The following NRG1 variants were observed in gnomAD, a reference collection of about 807,000 sequenced individuals.
NRG1 encodes neuregulin 1, also known as pro-neuregulin-1, membrane-bound isoform.
Under a neutral mutation model 63.8 loss-of-function variants are expected in NRG1, and 18 were observed. That is an observed-to-expected ratio of 0.28 (90% CI 0.19 to 0.42). The LOEUF is 0.42. NRG1 is among the 10% of genes least tolerant of loss of function. The pLI, the probability that NRG1 is intolerant of heterozygous loss-of-function variation, is 1.00. For missense variants in NRG1, 762 were observed against 814.7 expected (o/e 0.94, Z 0.79); for synonymous variants, 302 against 301.3 (o/e 1.00, Z -0.02).
chr8:31,751,868 G>T (rs548545585), intron 1 of NRG1, among the ~76,000 whole-genome samples: 1 of 151,950 alleles, frequency 6.6e-6, no homozygotes, highest in African/African-American at 2.4e-5. Context: ...TGGGGGTGCC[G>T]TTTATGGAGA....
intron 1 of NRG1, among the ~76,000 whole-genome samples, chr8:31,982,151 A>G (rs1252386172): frequency 6.6e-6 from 1 of 151,976 alleles, no homozygotes; most frequent in Non-Finnish European, 1.5e-5. Flanking sequence ...GGCTCTGATT[A>G]AGATTCTTCC....
At chr8:32,187,045 T>C (rs1842040062) in intron 1 of NRG1, among the ~76,000 whole-genome samples, 1 of 152,176 alleles carries the variant, frequency 6.6e-6, no homozygotes. Context: ...TTTGAATGAC[T>C]GAATGTTCAA....
intron 1 of NRG1, among the ~76,000 whole-genome samples, chr8:32,090,380 G>A (rs1828936837): frequency 6.6e-6 from 1 of 152,194 alleles, no homozygotes; most frequent in Non-Finnish European, 1.5e-5. Context: ...AAGTGCAGTG[G>A]TGCGACGTTG....
intron 1 of NRG1, among the ~76,000 whole-genome samples, chr8:32,060,668 A>G (rs1823696372): frequency 6.6e-6 from 1 of 151,958 alleles, no homozygotes; most frequent in East Asian, 1.9e-4. Flanking sequence ...GGAGAACAAC[A>G]TATGTAGCTG....
At chr8:31,903,431 G>T (rs956312201) in intron 1 of NRG1, among the ~76,000 whole-genome samples, 6 of 151,608 alleles carry the variant, frequency 4.0e-5, no homozygotes, top group Non-Finnish European at 8.8e-5. Context: ...TTACAGACGT[G>T]AGCCACCGCG....
At chr8:32,023,963 A>G (rs759989051) in intron 1 of NRG1, among the ~76,000 whole-genome samples, 2 of 152,110 alleles carry the variant, frequency 1.3e-5, no homozygotes, top group Non-Finnish European at 2.9e-5. Context: ...CAAACATAGA[A>G]AAGTAACTCC....
At chr8:31,744,117 C>T (rs1815606392) in intron 1 of NRG1, among the ~76,000 whole-genome samples, 1 of 152,010 alleles carries the variant, frequency 6.6e-6, no homozygotes, top group Non-Finnish European at 1.5e-5. Context: ...GAGTAATACA[C>T]ATGTACAGGT....
At chr8:31,741,993 A>C (rs1347001981) in intron 1 of NRG1, among the ~76,000 whole-genome samples, 11 of 152,054 alleles carry the variant, frequency 7.2e-5, no homozygotes, top group Admixed American at 6.6e-4. Context: ...TGGCAGATAG[A>C]TAGGAGTGCT....
At chr8:31,908,936 A>G (rs1351235389) in intron 1 of NRG1, among the ~76,000 whole-genome samples, 2 of 152,176 alleles carry the variant, frequency 1.3e-5, no homozygotes, top group Non-Finnish European at 1.5e-5. Context: ...CTTTTCAAAT[A>G]TATAATTTTT....
intron 5 of NRG1, among the ~76,000 whole-genome samples, chr8:32,668,346 AT>A (rs1171827899): frequency 6.6e-6 from 1 of 152,096 alleles, no homozygotes; most frequent in Non-Finnish European, 1.5e-5. Context: ...TCAACAGACT[AT>A]TTTCTCCAAC....
chr8:32,489,615 T>G (rs1826310219), intron 1 of NRG1, among the ~76,000 whole-genome samples: 1 of 152,104 alleles, frequency 6.6e-6, no homozygotes, highest in African/African-American at 2.4e-5. Context: ...GGACCCAGAG[T>G]TTGTGAGCCC....
At chr8:32,153,319 C>G (rs946576127) in intron 1 of NRG1, among the ~76,000 whole-genome samples, 11 of 152,080 alleles carry the variant, frequency 7.2e-5, no homozygotes. Context: ...ACAGCTATGC[C>G]CTTTGTGATC....
At chr8:31,717,523 ACT>A (rs1331325124) in intron 1 of NRG1, among the ~76,000 whole-genome samples, 1 of 152,020 alleles carries the variant, frequency 6.6e-6, no homozygotes, top group African/African-American at 2.4e-5. Context: ...ACTGAAGATT[ACT>A]GTTTACCATT....
intron 1 of NRG1, among the ~76,000 whole-genome samples, chr8:32,132,684 C>T (rs992432588): frequency 1.3e-5 from 2 of 152,072 alleles, no homozygotes; most frequent in Admixed American, 6.6e-5. Flanking sequence ...AAGAACACAT[C>T]TGAGATAATA....
At chr8:32,501,285 C>A (rs924171009) in intron 1 of NRG1, among the ~76,000 whole-genome samples, 22 of 152,312 alleles carry the variant, frequency 1.4e-4, no homozygotes, top group African/African-American at 5.1e-4. Flanking sequence ...ATCTCATGAA[C>A]AGCAAGGGCA....
At chr8:32,575,710 C>G (rs1009851610) in intron 1 of NRG1, among the ~76,000 whole-genome samples, 1 of 152,148 alleles carries the variant, frequency 6.6e-6, no homozygotes, top group African/African-American at 2.4e-5. Flanking sequence ...TAAATGGTGA[C>G]ACCAATGTAA....
At chr8:32,262,402 T>C (rs560321688) in intron 1 of NRG1, among the ~76,000 whole-genome samples, 1 of 152,156 alleles carries the variant, frequency 6.6e-6, no homozygotes, top group South Asian at 2.1e-4. Context: ...ATGCTGGAGG[T>C]GTGAAAGCAA....
intron 1 of NRG1, among the ~76,000 whole-genome samples, chr8:32,574,288 T>G (rs1267187864): frequency 4.6e-5 from 7 of 152,194 alleles, no homozygotes. Context: ...TCTCTAATTT[T>G]ACATTCTCCA....
At chr8:32,493,733 A>G (rs912738451) in intron 1 of NRG1, among the ~76,000 whole-genome samples, 19 of 152,230 alleles carry the variant, frequency 1.2e-4, no homozygotes, top group Non-Finnish European at 1.5e-5. Flanking sequence ...AAATGCAAAT[A>G]CGCCAGTTTT....
Sources: gnomAD v4.1 joint callset for allele counts (sites outside exome capture counted in the v4.1 genomes callset) on GRCh38, gnomAD v4.1.1 for gene constraint, MANE v1.5 for transcripts, NCBI Gene and HGNC (gene_info 2026-07-23, HGNC 2026-07-21) for gene names.